Variants in FBLN7 observed in about 807,000 individuals in gnomAD.
FBLN7 encodes the protein fibulin-7.
In FBLN7, 31 loss-of-function variants were observed where a neutral mutation model predicts 44.0. The ratio of observed to expected loss-of-function variants is 0.70; its 90% CI spans 0.53 to 0.95. FBLN7 has a LOEUF of 0.95. Among genes scored for constraint, FBLN7 ranks in the 40% least tolerant of loss-of-function variants. The probability of loss-of-function intolerance (pLI) is 0.00; values close to 1 mark genes in which losing one functional copy is unlikely to be tolerated. For missense variants in FBLN7, 573 were observed against 618.5 expected (o/e 0.93, Z 0.78); for synonymous variants, 262 against 253.4 (o/e 1.03, Z -0.32).
the FBLN7 span, among the ~76,000 whole-genome samples, chr2:112,207,630 A>G: frequency 6.6e-6 from 1 of 152,188 alleles, no homozygotes; most frequent in Non-Finnish European, 1.5e-5. Flanking sequence ...GTTACCAAAT[A>G]TAATTGTAAA....
At chr2:112,197,548 C>T in the FBLN7 span, among the ~76,000 whole-genome samples, 1 of 152,104 alleles carries the variant, frequency 6.6e-6, no homozygotes, top group South Asian at 2.1e-4. Flanking sequence ...TTCCAGCAGC[C>T]CTAGGAAATG....
At chr2:112,195,599 T>C in the FBLN7 span, among the ~76,000 whole-genome samples, 1 of 152,174 alleles carries the variant, frequency 6.6e-6, no homozygotes, top group Non-Finnish European at 1.5e-5. Context: ...TTGAAAGCTG[T>C]AGGAGGCAAG....
At position 112,147,681 on chromosome 2, in the gene FBLN7, C is replaced by G. The variant is rs138524082; in HGVS notation, c.75+8951C>G. Among the ~76,000 whole-genome samples, 7 of 152,272 alleles carry G rather than the reference C, an allele frequency of 4.6e-5. No homozygotes were observed. The East Asian group carries it at 1.4e-3, about 29-fold the overall frequency. On this transcript the variant is annotated intron_variant, in intron 1 of 7. Coordinates refer to ENST00000331203, the MANE Select transcript of FBLN7 (RefSeq NM_153214.3). ...CTTTGGGAGAGAGTCTCTCTGCTATCCTGAGCTGGAGTCTACATTTTCGAG... is the reference window on the plus strand; with the variant it reads ...CTTTGGGAGAGAGTCTCTCTGCTATGCTGAGCTGGAGTCTACATTTTCGAG...
the FBLN7 span, chr2:112,211,466 G>GA: frequency 2.0e-5 from 3 of 151,988 alleles, no homozygotes; most frequent in Non-Finnish European, 4.4e-5. Flanking sequence ...CTTTTTCATT[G>GA]AAAAAATCTT....
the FBLN7 span, among the ~76,000 whole-genome samples, chr2:112,198,901 G>A: frequency 1.3e-5 from 2 of 152,232 alleles, no homozygotes; most frequent in Non-Finnish European, 2.9e-5. Context: ...GTAAAGCCAG[G>A]GAAGCCTCCC....
the FBLN7 span, among the ~76,000 whole-genome samples, chr2:112,229,027 A>G: frequency 0.11 from 16,339 of 152,262 alleles, 1,187 homozygotes; most frequent in Non-Finnish European, 0.16. Context: ...AAAAGCTATA[A>G]TCAAAATGAC....
the FBLN7 span, among the ~76,000 whole-genome samples, chr2:112,205,245 C>T: frequency 1.3e-5 from 2 of 151,880 alleles, no homozygotes; most frequent in Non-Finnish European, 2.9e-5. Context: ...ATGTATTTAA[C>T]ACAAAAGAAG....
At chr2:112,236,576 C>T in the FBLN7 span, 19 of 1,613,430 alleles carry the variant, frequency 1.2e-5, no homozygotes, top group East Asian at 4.5e-5. Flanking sequence ...TCCTGTGAGC[C>T]GCTGTTCCTC....
intron 4 of FBLN7, 116 bp downstream of exon 4, chr2:112,175,955 A>G: frequency 3.0e-6 from 4 of 1,319,052 alleles, no homozygotes; most frequent in Non-Finnish European, 4.1e-6. Flanking sequence ...TCAAAGATGT[A>G]GCTTTTCCTC....
At chr2:112,217,371 A>G in the FBLN7 span, among the ~76,000 whole-genome samples, 1 of 152,232 alleles carries the variant, frequency 6.6e-6, no homozygotes, top group Non-Finnish European at 1.5e-5. Context: ...TCAAAAAAAA[A>G]GAAAAGCTAA....
intron 6 of FBLN7, among the ~76,000 whole-genome samples, chr2:112,184,755 A>G (rs1007730700): frequency 3.4e-5 from 3 of 88,826 alleles, no homozygotes; most frequent in African/African-American, 1.4e-4. Context: ...TACACACACC[A>G]TATATACCAT....
intron 1 of FBLN7, among the ~76,000 whole-genome samples, chr2:112,142,908 T>A (rs758218668): frequency 6.6e-6 from 1 of 152,066 alleles, no homozygotes; most frequent in Non-Finnish European, 1.5e-5. Context: ...TATGTGTGTG[T>A]GCATATCTGT....
the FBLN7 span, among the ~76,000 whole-genome samples, chr2:112,197,234 AACACACACACACACAC>A: frequency 4.5e-5 from 4 of 89,328 alleles, no homozygotes; most frequent in East Asian, 3.9e-4. Context: ...CGTAAGAGAA[AACACACACACACACAC>A]ACACACACAC....
chr2:112,227,739 ATATG>A, the FBLN7 span, among the ~76,000 whole-genome samples: 1 of 152,222 alleles, frequency 6.6e-6, no homozygotes, highest in African/African-American at 2.4e-5. Context: ...ATCAAACAGA[ATATG>A]TACGAATAAA....
At chr2:112,206,601 G>A in the FBLN7 span, among the ~76,000 whole-genome samples, 3 of 151,962 alleles carry the variant, frequency 2.0e-5, no homozygotes, top group Non-Finnish European at 4.4e-5. Context: ...TAGAGACCGG[G>A]TTTTGCCATG....
Position 112,138,635 on chromosome 2 carries a change from A to G in FBLN7, c.-21A>G, listed in dbSNP as rs1680466224. The G allele has an allele frequency of 6.2e-7, 1 of 1,606,282 alleles. No individual in the cohort carries two copies. The highest frequency in any genetic ancestry group is 1.3e-5 in the African/African-American group (1 of 74,676). ...GGCAAAGTTATTTCCCCTCCCAGGC[A>G]GCGGGATTCCGACTGGCAAGATGGT... On this transcript the variant is annotated 5_prime_UTR_variant, in exon 1 of 8. Transcript: ENST00000331203.
chr2:112,143,416 C>T (rs1171751149), intron 1 of FBLN7, among the ~76,000 whole-genome samples: 1 of 152,210 alleles, frequency 6.6e-6, no homozygotes, highest in Non-Finnish European at 1.5e-5. Context: ...GGCTTCCCTC[C>T]CTGACCCTCT....
At chr2:112,227,658 T>C in the FBLN7 span, among the ~76,000 whole-genome samples, 1 of 152,248 alleles carries the variant, frequency 6.6e-6, no homozygotes, top group Non-Finnish European at 1.5e-5. Context: ...ATAACAGAAA[T>C]AAATTCTATT....
the FBLN7 span, chr2:112,212,030 A>G: frequency 1.3e-5 from 2 of 152,218 alleles, no homozygotes; most frequent in African/African-American, 2.4e-5. Context: ...TAACAAAAAT[A>G]CCACAGACTA....
Sources: allele counts gnomAD v4.1 joint callset (sites outside exome capture counted in the v4.1 genomes callset), GRCh38; gene constraint gnomAD v4.1.1; transcripts MANE v1.5; gene names NCBI Gene and HGNC (gene_info 2026-07-23, HGNC 2026-07-21).